The following NDUFC2 variants were observed in gnomAD, a reference collection of about 807,000 sequenced individuals.
NDUFC2 encodes the protein NADH dehydrogenase [ubiquinone] 1 subunit C2.
In NDUFC2, 2 loss-of-function variants were observed where a neutral mutation model predicts 10.1. That is an observed-to-expected ratio of 0.20 (90% CI 0.08 to 0.62). The LOEUF (loss-of-function observed/expected upper bound fraction) is 0.62. Ranked by LOEUF, NDUFC2 falls within the 20% of genes least tolerant of loss-of-function variation. NDUFC2 has a pLI of 0.87. For synonymous variants in NDUFC2, 61 were observed against 63.6 expected (o/e 0.96, Z 0.20); for missense variants, 156 against 159.6 (o/e 0.98, Z 0.12).
intron 1 of NDUFC2, among the ~76,000 whole-genome samples, chr11:78,075,777 CAA>C (rs1359163011): frequency 2.6e-5 from 4 of 152,256 alleles, no homozygotes; most frequent in African/African-American, 7.2e-5. Flanking sequence ...TTTGTAGAGA[CAA>C]AGTTTCCCTG....
intron 2 of NDUFC2, among the ~76,000 whole-genome samples, chr11:78,071,778 G>C (rs540776444): frequency 3.7e-4 from 56 of 152,278 alleles, no homozygotes; most frequent in African/African-American, 1.1e-3. Context: ...GCAGAAATTT[G>C]CTAGGTGGAT....
In NDUFC2 at chr11:78,079,532, C is replaced by T. The variant is rs150701724; in HGVS notation, c.166+47G>A. ...CCTACGGCCGGGCCAGTCTGCAGCCCTACGACCCCTTCTCCTCCCAGCCGA... is the reference window on the plus strand; with the variant it reads ...CCTACGGCCGGGCCAGTCTGCAGCCTTACGACCCCTTCTCCTCCCAGCCGA... On this transcript the variant is annotated intron_variant, in intron 1 of 2. Transcript: ENST00000281031. The T allele has an allele frequency of 7.4e-3, 11,425 of 1,542,226 alleles. 50 individuals are homozygous for T. The highest frequency in any genetic ancestry group is 0.014 in the Middle Eastern group (61 of 4,342).
At chr11:78,070,893 C>T (rs1395981414) in intron 2 of NDUFC2, among the ~76,000 whole-genome samples, 1 of 152,180 alleles carries the variant, frequency 6.6e-6, no homozygotes, top group Non-Finnish European at 1.5e-5. Context: ...ACACAGGGAA[C>T]TCATGGAACT....
At chr11:78,071,652 C>G (rs1204051451) in intron 2 of NDUFC2, among the ~76,000 whole-genome samples, 1 of 152,058 alleles carries the variant, frequency 6.6e-6, no homozygotes, top group Non-Finnish European at 1.5e-5. Context: ...GTGTGTAAAA[C>G]ACAGGTGAGA....
At chr11:78,070,272 G>A (rs1488535770) in intron 2 of NDUFC2, among the ~76,000 whole-genome samples, 3 of 152,132 alleles carry the variant, frequency 2.0e-5, no homozygotes. Context: ...AGGGGGATCG[G>A]CTTAGGGGAC....
intron 1 of NDUFC2, among the ~76,000 whole-genome samples, chr11:78,078,596 T>C (rs926099372): frequency 6.6e-6 from 1 of 152,110 alleles, no homozygotes. Flanking sequence ...GCCAGTGACA[T>C]ACTACTGGGA....
rs1858897124 is a variant in NDUFC2 at position 78,069,482 on chromosome 11, G to A, written c.*505C>T. ...AATGACTTAATACCTACAGGATGAA[G>A]TCAAAATTATTTGGCAAGAGTCACA... is the stretch of plus-strand genomic sequence containing the variant. On this transcript the variant is annotated 3_prime_UTR_variant, in exon 3 of 3. Coordinates refer to ENST00000281031, the MANE Select transcript of NDUFC2 (RefSeq NM_004549.6). The A allele has an allele frequency of 4.9e-6, 1 of 204,876 alleles. No homozygotes were observed. The highest frequency in any genetic ancestry group is 2.3e-5 in the African/African-American group (1 of 42,560). 12.7% of individuals were successfully genotyped at this position (204,876 alleles called of 1,614,324 possible).
rs1858927355 is a variant in NDUFC2, at chr11:78,070,024, T to C, written c.323A>G (p.Tyr108Cys). Residue 108 changes from tyrosine to cysteine, a missense_variant, in exon 3 of 3, where the codon TAT (tyrosine) becomes TGT (cysteine). Transcript: ENST00000281031. ...EDFPEEDKKT[Y>C]GEIFEKFHPI... The stretch of plus-strand genomic sequence containing the variant: ...ATGGAATTTTTCAAAAATTTCACCA[T>C]ATGTTTTCTTATCTATAAAAGGAAA... 6.4e-7 allele frequency: 1 copy of C among 1,574,742 alleles called. No individual in the cohort carries two copies. Among genetic ancestry groups the C allele is most frequent in the African/African-American group, 1.4e-5 (1 of 74,046 alleles).
rs1858877211 is a variant in NDUFC2 at position 78,069,053 on chromosome 11, T to A, written c.*934A>T. The A allele has an allele frequency of 6.6e-6, 1 of 152,060 alleles. No homozygotes were observed. The highest frequency in any genetic ancestry group is 1.9e-4 in the East Asian group (1 of 5,174). 9.4% of individuals were successfully genotyped at this position (152,060 alleles called of 1,614,324 possible). A position where few individuals can be genotyped will look rare whatever the true frequency, so the allele number is the denominator to read the frequency against. On this transcript the variant is annotated 3_prime_UTR_variant, in exon 3 of 3. Transcript: ENST00000281031. ...GCAGGAACGTGCCACCACGCCCAGC[T>A]AATTTTTGTATTTTATGTAGAGACA...
Position 78,068,627 on chromosome 11 carries a change from A to T in NDUFC2, c.*1360T>A, listed in dbSNP as rs568880611. On this transcript the variant is annotated 3_prime_UTR_variant, in exon 3 of 3. Transcript: ENST00000281031. ...TGGTGAAACCCCGTCTCTACTAAAA[A>T]CACAAAAATCAGCTGGGCGTCGTGG... 1 of 152,242 alleles carries T rather than the reference A, an allele frequency of 6.6e-6. No individual in the cohort carries two copies. The highest frequency in any genetic ancestry group is 6.5e-5 in the Admixed American group (1 of 15,290). The allele number at this position is 152,242 out of a possible 1,614,324, so 9.4% of individuals were successfully genotyped here.
chr11:78,079,617 A>C lies in NDUFC2; in HGVS notation c.128T>G (p.Ile43Ser), dbSNP rs1463906554. ...CGGCCTCCGCCGGATTAGGTTATCA[A>C]TCAGGCCGGAGCAGTAGCCCAAGAA... ...IGFLGYCSGL[I>S]DNLIRRRPIA... The change falls in exon 1 of 3, where the codon ATT becomes AGT. Residue 43 changes from isoleucine to serine, a missense_variant. Coordinates refer to ENST00000281031, the MANE Select transcript of NDUFC2 (RefSeq NM_004549.6). 6.4e-7 allele frequency: 1 copy of C among 1,566,374 alleles called. No homozygotes were observed.
At chr11:78,079,126 A>AAC in intron 1 of NDUFC2, among the ~76,000 whole-genome samples, 1 of 151,482 alleles carries the variant, frequency 6.6e-6, no homozygotes. Flanking sequence ...AAAAAAAAAA[A>AAC]ACCAAGCTCT....
chr11:78,071,543 T>C (rs1859008686), intron 2 of NDUFC2, among the ~76,000 whole-genome samples: 2 of 152,192 alleles, frequency 1.3e-5, no homozygotes, highest in Admixed American at 1.3e-4. Context: ...AATAAGGCTA[T>C]GTGTGCCAAA....
chr11:78,076,158 T>C lies in NDUFC2; in HGVS notation c.167-3017A>G, dbSNP rs200741018. Reference sequence around the variant, plus strand: ...ACTCAATACTACTTTTTTTTTTTTTTAAAGACAGAGTCTCAGTCTGTCGCC... The same window carrying C: ...ACTCAATACTACTTTTTTTTTTTTTCAAAGACAGAGTCTCAGTCTGTCGCC... On this transcript the variant is annotated intron_variant, in intron 1 of 2. Transcript: ENST00000281031. 2.4e-5 allele frequency among the ~76,000 whole-genome samples: 3 copies of C among 126,840 alleles called. No individual in the cohort carries two copies. In the Admixed American group the frequency reaches 2.4e-4, roughly 10 times the overall value. 83.2% of individuals were successfully genotyped at this position (126,840 alleles called of 152,430 possible).
At chr11:78,070,646 CT>C (rs1335033568) in intron 2 of NDUFC2, among the ~76,000 whole-genome samples, 1 of 152,138 alleles carries the variant, frequency 6.6e-6, no homozygotes, top group Non-Finnish European at 1.5e-5. Flanking sequence ...TTGGAGGAAT[CT>C]GTGATGACAA....
intron 1 of NDUFC2, among the ~76,000 whole-genome samples, chr11:78,074,118 G>A (rs994541748): frequency 6.6e-5 from 10 of 151,126 alleles, no homozygotes; most frequent in Admixed American, 2.0e-4. Flanking sequence ...GGGCTCAAGC[G>A]ATCCCCCTGC....
rs917873820 is a variant in NDUFC2 at position 78,079,857 on chromosome 11, G to C, written c.-113C>G. The stretch of plus-strand genomic sequence containing the variant: ...GCTTTCTCCTCCTCCTCTGCGCGCC[G>C]GACTCACGGGCACGGCGCAGCGCGG... On this transcript the variant is annotated 5_prime_UTR_variant, in exon 1 of 3. Transcript: ENST00000281031. The C allele has an allele frequency of 7.0e-7, 1 of 1,421,430 alleles. No individual in the cohort carries two copies. The highest frequency in any genetic ancestry group is 9.3e-7 in the Non-Finnish European group (1 of 1,076,332). The allele number at this position is 1,421,430 out of a possible 1,614,324, so 88.1% of individuals were successfully genotyped here.
Position 78,069,646 on chromosome 11 carries a change from C to T in NDUFC2, c.*341G>A. On this transcript the variant is annotated 3_prime_UTR_variant, in exon 3 of 3. Coordinates refer to ENST00000281031, the MANE Select transcript of NDUFC2 (RefSeq NM_004549.6). ...TCACAACTACTCAATTCTGCTCTTG[C>T]AGCATGGCAGTCGCCATAAACAACA... 1.8e-6 allele frequency: 1 copy of T among 552,738 alleles called. No individual in the cohort carries two copies. The highest frequency in any genetic ancestry group is 2.6e-5 in the South Asian group (1 of 39,132). The allele number at this position is 552,738 out of a possible 1,614,324, so 34.2% of individuals were successfully genotyped here.
At position 78,076,959 on chromosome 11, in the gene NDUFC2, T is replaced by C. The variant is rs1859277348; in HGVS notation, c.166+2620A>G. Among the ~76,000 whole-genome samples the C allele has an allele frequency of 2.6e-5, 4 of 152,188 alleles. 1 individual carries two copies. The South Asian group carries it at 8.3e-4, about 32-fold the overall frequency. On this transcript the variant is annotated intron_variant, in intron 1 of 2. Coordinates refer to ENST00000281031, the MANE Select transcript of NDUFC2 (RefSeq NM_004549.6). ...CAGGCTGTTTACCTGTTTGTCTCCC[T>C]GATTTCACTAGGAGCTCCATAGGGC... is the stretch of plus-strand genomic sequence containing the variant.
Sources: gnomAD v4.1 joint callset for allele counts (sites outside exome capture counted in the v4.1 genomes callset) on GRCh38, gnomAD v4.1.1 for gene constraint, MANE v1.5 for transcripts, NCBI Gene and HGNC (gene_info 2026-07-23, HGNC 2026-07-21) for gene names.